The following GCNT3 variants were observed in gnomAD, a reference collection of about 807,000 sequenced individuals.
GCNT3 encodes the protein beta-1,3-galactosyl-O-glycosyl-glycoprotein beta-1,6-N-acetylglucosaminyltransferase 3.
For synonymous variants in GCNT3, 269 were observed against 195.2 expected, an observed-to-expected ratio of 1.38 and a Z score of -3.15; for missense variants, 708 against 530.3, an observed-to-expected ratio of 1.34 and a Z score of -3.29.
rs1890960347 is a variant in GCNT3, at chr15:59,622,677, G to A, written c.*3122G>A. The A allele has an allele frequency of 1.3e-5, 2 of 152,174 alleles. No individual in the cohort carries two copies. Among genetic ancestry groups the A allele is most frequent in the South Asian group, 4.1e-4 (2 of 4,824 alleles). 9.4% of individuals were successfully genotyped at this position (152,174 alleles called of 1,614,324 possible). ...TAACTTACTCCAAAAGCTTTCATGT[G>A]AAATAATTTATAATTTTTTATATAA... On this transcript the variant is annotated 3_prime_UTR_variant, in exon 3 of 3. Coordinates refer to ENST00000396065, the MANE Select transcript of GCNT3 (RefSeq NM_004751.3).
rs1025384779 is a variant in GCNT3, at chr15:59,619,793, C to T, written c.*238C>T. The T allele has an allele frequency of 2.4e-6, 1 of 417,886 alleles. No homozygotes were observed. Among genetic ancestry groups the T allele is most frequent in the Non-Finnish European group, 4.5e-6 (1 of 220,754 alleles). 25.9% of individuals were successfully genotyped at this position (417,886 alleles called of 1,614,324 possible). On this transcript the variant is annotated 3_prime_UTR_variant, in exon 3 of 3. Transcript: ENST00000396065. ...AGTAGTTCCTCCACTAACTTTCTCA[C>T]TAAGTGAGAATGAGAACTGCTGTGA...
chr15:59,619,759 C>A lies in GCNT3; in HGVS notation c.*204C>A. ...GGTGAATGCTGCTTGTTCTCTCACCCCTAACCCTAGTAGTTCCTCCACTAA... is the reference window on the plus strand; with the variant it reads ...GGTGAATGCTGCTTGTTCTCTCACCACTAACCCTAGTAGTTCCTCCACTAA... On this transcript the variant is annotated 3_prime_UTR_variant, in exon 3 of 3. Coordinates refer to ENST00000396065, the MANE Select transcript of GCNT3 (RefSeq NM_004751.3). The A allele has an allele frequency of 3.8e-6, 2 of 531,524 alleles. No homozygotes were observed. The highest frequency in any genetic ancestry group is 3.2e-5 in the East Asian group (1 of 31,218). 32.9% of individuals were successfully genotyped at this position (531,524 alleles called of 1,614,324 possible).
At chr15:59,616,224 G>C (rs1359216636) in intron 1 of GCNT3, among the ~76,000 whole-genome samples, 13 of 152,186 alleles carry the variant, frequency 8.5e-5, no homozygotes, top group Admixed American at 8.5e-4. Flanking sequence ...GTGGGGTACC[G>C]GGAGGGAGCA....
chr15:59,613,759 C>T (rs2141932594), intron 1 of GCNT3, among the ~76,000 whole-genome samples: 1 of 151,986 alleles, frequency 6.6e-6, no homozygotes, highest in South Asian at 2.1e-4. Flanking sequence ...AGGCCCGGCA[C>T]AGTGGCTCAC....
At position 59,619,227 on chromosome 15, in the gene GCNT3, A is replaced by G. The variant is rs753973630; in HGVS notation, c.989A>G (p.Glu330Gly). 1.2e-6 allele frequency: 2 copies of G among 1,614,044 alleles called. No homozygotes were observed. Among genetic ancestry groups the G allele is most frequent in the South Asian group, 2.2e-5 (2 of 91,054 alleles). The change falls in exon 3 of 3, where the codon GAA (glutamate) becomes GGA (glycine). Residue 330 changes from glutamate to glycine, a missense_variant. Transcript: ENST00000396065. ...GTAAAAGACACTTATAGCCCAGATG[A>G]ACACCTCTGGGCCACCCTTCAGCGT... ...EWVKDTYSPD[E>G]HLWATLQRAR...
intron 1 of GCNT3, among the ~76,000 whole-genome samples, chr15:59,613,187 T>C (rs1167904999): frequency 2.6e-5 from 4 of 152,022 alleles, no homozygotes; most frequent in African/African-American, 9.7e-5. Context: ...TTCACTAAAA[T>C]ACAGACTGAT....
Position 59,618,132 on chromosome 15 carries a change from T to G in GCNT3, c.-60-47T>G, listed in dbSNP as rs1050357830. 6 of 667,698 alleles carry G rather than the reference T, an allele frequency of 9.0e-6. No individual in the cohort carries two copies. The African/African-American group carries it at 1.1e-4, about 12-fold the overall frequency. 41.4% of individuals were successfully genotyped at this position (667,698 alleles called of 1,614,324 possible). A position where few individuals can be genotyped will look rare whatever the true frequency, so the allele number is the denominator to read the frequency against. ...TCAGTTTGGAATTGAACTTGATGTTTCTGGGAATGATTGGTTTGTAACTGG... is the reference window on the plus strand; with the variant it reads ...TCAGTTTGGAATTGAACTTGATGTTGCTGGGAATGATTGGTTTGTAACTGG... On this transcript the variant is annotated intron_variant, in intron 2 of 2. Transcript: ENST00000396065.
At chr15:59,617,257 A>C (rs1205362334) in intron 2 of GCNT3, among the ~76,000 whole-genome samples, 1 of 149,284 alleles carries the variant, frequency 6.7e-6, no homozygotes, top group African/African-American at 2.5e-5. Context: ...AATATAAAAG[A>C]GCTATAATAC....
intron 2 of GCNT3, among the ~76,000 whole-genome samples, chr15:59,617,505 C>G (rs866195152): frequency 2.6e-5 from 4 of 151,944 alleles, no homozygotes; most frequent in South Asian, 2.1e-4. Context: ...TATTTCTCAC[C>G]CACAAAAGGT....
intron 2 of GCNT3, among the ~76,000 whole-genome samples, chr15:59,617,349 G>A (rs1316399195): frequency 6.6e-6 from 1 of 151,954 alleles, no homozygotes; most frequent in Admixed American, 6.6e-5. Flanking sequence ...GGGGAGAAGA[G>A]AGAGTGGAGA....
In GCNT3 at chr15:59,618,940, G is replaced by C. The variant is rs762080217; in HGVS notation, c.702G>C (p.Lys234Asn). The change falls in exon 3 of 3, where the codon AAG (lysine) becomes AAC (asparagine). Residue 234 changes from lysine (K) to asparagine (N), a missense_variant. Lys to Asn is a moderately conservative substitution (Grantham distance 94). Transcript: ENST00000396065. ...CATGTGGGACGGACTTTCCTATAAAGAGCAATGCAGAGATGGTCCAGGCTC... is the reference window on the plus strand; with the variant it reads ...CATGTGGGACGGACTTTCCTATAAACAGCAATGCAGAGATGGTCCAGGCTC... ...LNTCGTDFPI[K>N]SNAEMVQALK... 2 of 1,614,084 alleles carry C rather than the reference G, an allele frequency of 1.2e-6. No homozygotes were observed. The highest frequency in any genetic ancestry group is 1.1e-5 in the South Asian group (1 of 91,060).
At chr15:59,616,981 A>C (rs959826182) in intron 2 of GCNT3, 100 bp downstream of exon 2, 1 of 152,136 alleles carries the variant, frequency 6.6e-6, no homozygotes, top group Middle Eastern at 3.2e-3. Context: ...AGCTACAACA[A>C]GGGAAAATAA....
At chr15:59,616,015 C>G (rs764897282) in intron 1 of GCNT3, among the ~76,000 whole-genome samples, 6 of 152,170 alleles carry the variant, frequency 3.9e-5, no homozygotes, top group East Asian at 1.9e-4. Flanking sequence ...ATTTTGTAAT[C>G]TATACCATGG....
intron 1 of GCNT3, among the ~76,000 whole-genome samples, chr15:59,614,308 C>T (rs1255224397): frequency 2.0e-5 from 3 of 152,134 alleles, no homozygotes; most frequent in African/African-American, 7.2e-5. Flanking sequence ...GTGCAGATGA[C>T]CCTGTTACCA....
rs977229911 is a variant in GCNT3 at position 59,620,092 on chromosome 15, A to C, written c.*537A>C. ...GTGTGTGAGACTTTTTCTCATAACT[A>C]TTCATGACATTTAAAATCCCTAGGG... On this transcript the variant is annotated 3_prime_UTR_variant, in exon 3 of 3. Coordinates refer to ENST00000396065, the MANE Select transcript of GCNT3 (RefSeq NM_004751.3). 1.2e-5 allele frequency: 2 copies of C among 167,784 alleles called. No homozygotes were observed. The highest frequency in any genetic ancestry group is 4.8e-5 in the African/African-American group (2 of 41,462). 10.4% of individuals were successfully genotyped at this position (167,784 alleles called of 1,614,324 possible).
At chr15:59,612,294 T>G (rs188225030) in intron 1 of GCNT3, among the ~76,000 whole-genome samples, 73 of 152,298 alleles carry the variant, frequency 4.8e-4, no homozygotes, top group African/African-American at 1.4e-3. Context: ...AACTAGTGAT[T>G]AGGAGAAAAA....
chr15:59,618,679 A>G lies in GCNT3; in HGVS notation c.441A>G (p.Glu147=), dbSNP rs750935752. The change falls in exon 3 of 3, where the codon GAA becomes GAG. Residue 147 remains glutamate, a synonymous_variant. Coordinates refer to ENST00000396065, the MANE Select transcript of GCNT3 (RefSeq NM_004751.3). The part of the protein sequence containing the change: ...MVIHEKIENF[E]RLLRAVYAPQ... ...TTCATGAGAAGATTGAAAACTTTGA[A>G]AGGCTACTGCGAGCTGTGTATGCCC... is the stretch of plus-strand genomic sequence containing the variant. 2 of 1,614,166 alleles carry G rather than the reference A, an allele frequency of 1.2e-6. No homozygotes were observed. The highest frequency in any genetic ancestry group is 1.7e-5 in the Admixed American group (1 of 60,018).
intron 1 of GCNT3, among the ~76,000 whole-genome samples, chr15:59,613,344 G>A (rs549965092): frequency 3.3e-5 from 5 of 151,878 alleles, no homozygotes; most frequent in African/African-American, 7.3e-5. Flanking sequence ...ATAGAGCCAC[G>A]ATTTCTTAAT....
chr15:59,617,191 T>TTA lies in GCNT3; in HGVS notation c.-61+310_-61+311insTA, dbSNP rs1555392374. Among the ~76,000 whole-genome samples the TTA allele has an allele frequency of 2.5e-3, 365 of 145,830 alleles. 3 individuals carry two copies. Among genetic ancestry groups the TTA allele is most frequent in the African/African-American group, 8.6e-3 (343 of 39,850 alleles). Reference sequence around the variant, plus strand: ...TTTTCTTTCTTTCTTTTTTTTTTTTTAAAGGGGCTTCCTGGTCTTCATCGG... The same window carrying TTA: ...TTTTCTTTCTTTCTTTTTTTTTTTTTTAAAAGGGGCTTCCTGGTCTTCATCGG... On this transcript the variant is annotated intron_variant, in intron 2 of 2. Transcript: ENST00000396065.
Sources: allele counts gnomAD v4.1 joint callset (sites outside exome capture counted in the v4.1 genomes callset), GRCh38; gene constraint gnomAD v4.1.1; transcripts MANE v1.5; gene names NCBI Gene and HGNC (gene_info 2026-07-23, HGNC 2026-07-21).